The following ZNF793 variants were observed in gnomAD, a reference collection of about 807,000 sequenced individuals.
ZNF793 encodes the protein zinc finger protein 793.
Under a neutral mutation model 12.4 loss-of-function variants are expected in ZNF793, and 5 were observed. The ratio of observed to expected loss-of-function variants is 0.40; its 90% CI spans 0.21 to 0.84. ZNF793 has a LOEUF of 0.84. Among genes scored for constraint, ZNF793 ranks in the 40% least tolerant of loss-of-function variants. ZNF793 has a pLI of 0.35. For missense variants in ZNF793, 456 were observed against 495.0 expected (o/e 0.92, Z 0.75); for synonymous variants, 162 against 172.4 (o/e 0.94, Z 0.47).
intron 3 of ZNF793, among the ~76,000 whole-genome samples, chr19:37,522,120 T>C (rs931898900): frequency 3.9e-5 from 6 of 152,208 alleles, no homozygotes; most frequent in Non-Finnish European, 8.8e-5. Flanking sequence ...TAGATTAATG[T>C]AGACCATAGA....
In ZNF793 at chr19:37,542,536, A is replaced by G; in HGVS notation, c.*4657A>G. 2.9e-6 allele frequency: 1 copy of G among 348,346 alleles called. No homozygotes were observed. The highest frequency in any genetic ancestry group is 2.2e-5 in the South Asian group (1 of 44,450). The allele number at this position is 348,346 out of a possible 1,614,324, so 21.6% of individuals were successfully genotyped here. On this transcript the variant is annotated 3_prime_UTR_variant, in exon 8 of 8. Transcript: ENST00000627814. Reference sequence around the variant, plus strand: ...GACATTTATTGTAAAAATTGTTCTTAATGGCAAAAAAACCCCCAAAACCAA... The same window carrying G: ...GACATTTATTGTAAAAATTGTTCTTGATGGCAAAAAAACCCCCAAAACCAA...
In ZNF793 at chr19:37,541,254, G is replaced by A. The variant is rs1251884734; in HGVS notation, c.*3375G>A. ...ATTAACAGCACAAAAATAAATTCTG[G>A]GTGGCTTTAAGACGTAAAATTTTAA... On this transcript the variant is annotated 3_prime_UTR_variant, in exon 8 of 8. Transcript: ENST00000627814. The A allele has an allele frequency of 6.6e-6, 1 of 152,068 alleles. No homozygotes were observed. The highest frequency in any genetic ancestry group is 2.4e-5 in the African/African-American group (1 of 41,412). 9.4% of individuals were successfully genotyped at this position (152,068 alleles called of 1,614,324 possible). A position where few individuals can be genotyped will look rare whatever the true frequency, so the allele number is the denominator to read the frequency against.
intron 5 of ZNF793, among the ~76,000 whole-genome samples, chr19:37,523,684 G>A (rs549494353): frequency 2.0e-5 from 3 of 152,242 alleles, no homozygotes; most frequent in Admixed American, 6.5e-5. Flanking sequence ...TTGAACAGAG[G>A]CCTTAGTGGA....
chr19:37,525,113 T>C (rs1324232076), intron 5 of ZNF793, among the ~76,000 whole-genome samples: 3 of 151,928 alleles, frequency 2.0e-5, no homozygotes, highest in Non-Finnish European at 4.4e-5. Flanking sequence ...AAAGTGAAAA[T>C]ACAAATGATT....
intron 2 of ZNF793, among the ~76,000 whole-genome samples, chr19:37,516,034 A>G (rs796893679): frequency 1.3e-5 from 2 of 151,278 alleles, no homozygotes; most frequent in African/African-American, 4.8e-5. Context: ...TTCAGGAGAT[A>G]GAGGCTACGA....
At chr19:37,509,340 T>C (rs2042275280) in intron 2 of ZNF793, among the ~76,000 whole-genome samples, 1 of 152,248 alleles carries the variant, frequency 6.6e-6, no homozygotes, top group East Asian at 1.9e-4. Context: ...TATTTGACTT[T>C]CTATTTCTGA....
At chr19:37,513,090 A>G (rs1171067349) in intron 2 of ZNF793, among the ~76,000 whole-genome samples, 1 of 152,174 alleles carries the variant, frequency 6.6e-6, no homozygotes, top group Non-Finnish European at 1.5e-5. Context: ...AATGTACCAT[A>G]CCAGAAGGTA....
At chr19:37,518,641 A>G (rs2042352115) in intron 2 of ZNF793, among the ~76,000 whole-genome samples, 1 of 151,718 alleles carries the variant, frequency 6.6e-6, no homozygotes, top group African/African-American at 2.4e-5. Context: ...AAAAAAAAAA[A>G]AAAAAAAAAT....
intron 5 of ZNF793, among the ~76,000 whole-genome samples, chr19:37,527,957 GAA>G (rs760485287): frequency 2.2e-5 from 3 of 136,292 alleles, no homozygotes; most frequent in Non-Finnish European, 3.2e-5. Context: ...TGTCTCTACT[GAA>G]AAAAAAAAAA....
chr19:37,512,739 C>T (rs892026331), intron 2 of ZNF793, among the ~76,000 whole-genome samples: 3 of 151,966 alleles, frequency 2.0e-5, no homozygotes, highest in Non-Finnish European at 4.4e-5. Flanking sequence ...ATATAATGAT[C>T]GAAAGCAGGG....
intron 2 of ZNF793, among the ~76,000 whole-genome samples, chr19:37,516,326 G>A (rs949676892): frequency 3.3e-5 from 5 of 152,088 alleles, no homozygotes; most frequent in African/African-American, 9.7e-5. Context: ...GTAGAGACGG[G>A]GTTTCACCAT....
chr19:37,536,818 CT>C (rs1440618391), intron 7 of ZNF793, 78 bp from the exon 8 acceptor site: 17 of 1,442,460 alleles, frequency 1.2e-5, no homozygotes, highest in Non-Finnish European at 1.5e-5. Context: ...TATTTGTGTG[CT>C]GTGCACTCTT....
chr19:37,512,385 C>G lies in ZNF793; in HGVS notation c.-276+3982C>G, dbSNP rs187247503. On this transcript the variant is annotated intron_variant, in intron 2 of 7. Transcript: ENST00000627814. ...CAAAAATTAGCCAGGGGTGGTGGTG[C>G]GTGCCTGTAGTCCCAGCTACTCAGG... Among the ~76,000 whole-genome samples the G allele has an allele frequency of 3.7e-3, 565 of 151,728 alleles. 6 individuals are homozygous for G. Among genetic ancestry groups the G allele is most frequent in the African/African-American group, 0.013 (542 of 41,364 alleles).
At position 37,537,361 on chromosome 19, in the gene ZNF793, G is replaced by T. The variant is rs529457390; in HGVS notation, c.703G>T (p.Ala235Ser). 6.2e-7 allele frequency: 1 copy of T among 1,612,978 alleles called. No individual in the cohort carries two copies. The highest frequency in any genetic ancestry group is 1.1e-5 in the South Asian group (1 of 90,932). Reference sequence around the variant, plus strand: ...CCACGTCTGTAGTGAGTGTGGGAAAGCCTTCTGCTACAAGTCTGAATTCAT... The same window carrying T: ...CCACGTCTGTAGTGAGTGTGGGAAATCCTTCTGCTACAAGTCTGAATTCAT... ...KPHVCSECGK[A>S]FCYKSEFIRH... The change falls in exon 8 of 8, where the codon GCC (alanine) becomes TCC (serine). Residue 235 changes from alanine (A) to serine (S), a missense_variant. Ala to Ser is a moderately conservative substitution (Grantham distance 99, BLOSUM62 1). Coordinates refer to ENST00000627814, the MANE Select transcript of ZNF793 (RefSeq NM_001013659.3).
chr19:37,533,484 A>C (rs754149696), intron 7 of ZNF793, 81 bp downstream of exon 7: 1 of 1,261,810 alleles, frequency 7.9e-7, no homozygotes, highest in Admixed American at 1.8e-5. Flanking sequence ...TTCTCTTAAA[A>C]GCCTTGAAAG....
intron 2 of ZNF793, among the ~76,000 whole-genome samples, chr19:37,509,646 A>C (rs6508733): frequency 2.0e-4 from 30 of 152,134 alleles, no homozygotes; most frequent in Non-Finnish European, 2.9e-5. Flanking sequence ...AGTTTGGGTA[A>C]TTTTTTCTCC....
In ZNF793 at chr19:37,517,910, G is replaced by A. The variant is rs114816665; in HGVS notation, c.-275-2274G>A. 6.4e-3 allele frequency among the ~76,000 whole-genome samples: 980 copies of A among 152,066 alleles called. 11 individuals are homozygous for A. The highest frequency in any genetic ancestry group is 0.022 in the African/African-American group (905 of 41,480). On this transcript the variant is annotated intron_variant, in intron 2 of 7. Coordinates refer to ENST00000627814, the MANE Select transcript of ZNF793 (RefSeq NM_001013659.3). ...ATAAATGTATAATTATGAGGCTATTGGAAAAGTTAGAAAATGAACACTTCG... is the reference window on the plus strand; with the variant it reads ...ATAAATGTATAATTATGAGGCTATTAGAAAAGTTAGAAAATGAACACTTCG...
Position 37,537,055 on chromosome 19 carries a change from A to G in ZNF793, c.397A>G (p.Ile133Val), listed in dbSNP as rs45593644. ...SLLSTDLFSS[I>V]QSPSNWNPCG... ...TCTGAGCACTGATCTTTTTTCTTCAATCCAGAGCCCTAGTAACTGGAACCC... is the reference window on the plus strand; with the variant it reads ...TCTGAGCACTGATCTTTTTTCTTCAGTCCAGAGCCCTAGTAACTGGAACCC... Residue 133 changes from isoleucine (I) to valine (V), a missense_variant, in exon 8 of 8, where the codon ATC (isoleucine) becomes GTC (valine). By Grantham distance (29) the Ile-to-Val change is conservative. Coordinates refer to ENST00000627814, the MANE Select transcript of ZNF793 (RefSeq NM_001013659.3). 46,684 of 1,613,902 alleles carry G rather than the reference A, an allele frequency of 0.029. 842 individuals are homozygous for G. Among genetic ancestry groups the G allele is most frequent in the Non-Finnish European group, 0.034 (39,551 of 1,179,810 alleles).
In ZNF793 at chr19:37,541,361, G is replaced by C. The variant is rs2147122805; in HGVS notation, c.*3482G>C. ...GGGAGATATTAACTTTACCAACACA[G>C]GACACTCAGAAGCTATTTAGAAATA... On this transcript the variant is annotated 3_prime_UTR_variant, in exon 8 of 8. Transcript: ENST00000627814. 1.3e-5 allele frequency: 2 copies of C among 152,322 alleles called. No homozygotes were observed. The highest frequency in any genetic ancestry group is 6.8e-3 in the Middle Eastern group (2 of 294). The allele number at this position is 152,322 out of a possible 1,614,324, so 9.4% of individuals were successfully genotyped here. A position where few individuals can be genotyped will look rare whatever the true frequency, so the allele number is the denominator to read the frequency against.
Sources: allele counts gnomAD v4.1 joint callset (sites outside exome capture counted in the v4.1 genomes callset), GRCh38; gene constraint gnomAD v4.1.1; transcripts MANE v1.5; gene names NCBI Gene and HGNC (gene_info 2026-07-23, HGNC 2026-07-21).